NBPF3: variants seen among roughly 807,000 people sequenced by gnomAD.
NBPF3 encodes NBPF member 3, also known as NBPF family member NBPF3.
NBPF3 carries 57 observed loss-of-function variants against 78.1 expected under a neutral mutation model. That is an observed-to-expected ratio of 0.73 (90% CI 0.59 to 0.91). The LOEUF is 0.91. NBPF3 is among the 40% of genes least tolerant of loss of function. The pLI is 0.00. For synonymous variants in NBPF3, 182 were observed against 271.7 expected, an observed-to-expected ratio of 0.67 and a Z score of 3.25; for missense variants, 510 against 715.3, an observed-to-expected ratio of 0.71 and a Z score of 3.27.
chr1:21,445,186 G>A lies in NBPF3; in HGVS notation c.100G>A (p.Val34Met), dbSNP rs1640893552. ...FGAPRAASHG[V>M]GRHQELRDPT... ...TGCACCAAGAGCAGCCTCACATGGT[G>A]TGGGCCGACATCAAGAGCTGCGAGA... The change falls in exon 2 of 15, where the codon GTG (valine) becomes ATG (methionine). Residue 34 changes from valine (V) to methionine (M), a missense_variant. By Grantham distance (21) the Val-to-Met change is conservative. Transcript: ENST00000318249. 1.2e-6 allele frequency: 2 copies of A among 1,611,826 alleles called. No homozygotes were observed. Among genetic ancestry groups the A allele is most frequent in the Non-Finnish European group, 1.7e-6 (2 of 1,179,844 alleles).
rs188712585 is a variant in NBPF3 at position 21,469,219 on chromosome 1, C to T, written c.343+322C>T. ...AATCCTCTCTGTACCATATAAGATC[C>T]GGCAGACAAATAACATCTAGTCTGT... On this transcript the variant is annotated intron_variant, in intron 3 of 14. Transcript: ENST00000318249. Among the ~76,000 whole-genome samples, 201 of 152,228 alleles carry T rather than the reference C, an allele frequency of 1.3e-3. 1 individual carries two copies. The highest frequency in any genetic ancestry group is 4.5e-3 in the African/African-American group (186 of 41,514).
In NBPF3 at chr1:21,445,118, A is replaced by G. The variant is rs1279954545; in HGVS notation, c.32A>G (p.Gln11Arg). The stretch of plus-strand genomic sequence containing the variant: ...CTGACTCCCACTGTCCAGGGCTTCC[A>G]GTGGACTCTCCGAGGCCCTGATGTA... Reference protein sequence around the residue: MPLTPTVQGFQWTLRGPDVET... With the variant: MPLTPTVQGFRWTLRGPDVET... Residue 11 changes from glutamine to arginine, a missense_variant, in exon 2 of 15, where the codon CAG (glutamine) becomes CGG (arginine). Around this residue, in one of 5 missense-constraint regions of NBPF3, gnomAD observed 440 missense variants for 478.2 expected, o/e 0.92. Coordinates refer to ENST00000318249, the MANE Select transcript of NBPF3 (RefSeq NM_032264.6). 6.2e-7 allele frequency: 1 copy of G among 1,611,762 alleles called. No individual in the cohort carries two copies. The highest frequency in any genetic ancestry group is 1.3e-5 in the African/African-American group (1 of 74,830).
intron 2 of NBPF3, among the ~76,000 whole-genome samples, chr1:21,455,709 A>G (rs529576173): frequency 3.0e-4 from 46 of 152,330 alleles, no homozygotes; most frequent in African/African-American, 6.7e-4. Context: ...CAGGGCACCA[A>G]TGAGGAGACA....
Position 21,444,986 on chromosome 1 carries a change from G to T in NBPF3, c.-101G>T. On this transcript the variant is annotated 5_prime_UTR_variant, in exon 2 of 15. Coordinates refer to ENST00000318249, the MANE Select transcript of NBPF3 (RefSeq NM_032264.6). ...AAATCCTGTTTAGACCCAGGCGAAG[G>T]TTCCTGGTGACCCAGGCTCTCACCA... 2.9e-6 allele frequency: 4 copies of T among 1,359,712 alleles called. No homozygotes were observed. Among genetic ancestry groups the T allele is most frequent in the Non-Finnish European group, 4.0e-6 (4 of 1,001,140 alleles). The allele number at this position is 1,359,712 out of a possible 1,614,324, so 84.2% of individuals were successfully genotyped here.
intron 2 of NBPF3, among the ~76,000 whole-genome samples, chr1:21,464,493 T>C (rs1642142877): frequency 1.3e-5 from 2 of 152,210 alleles, no homozygotes; most frequent in African/African-American, 4.8e-5. Flanking sequence ...GGTACAGGCA[T>C]GCTTTTTGGC....
intron 2 of NBPF3, among the ~76,000 whole-genome samples, chr1:21,459,562 G>A (rs1290455530): frequency 1.3e-5 from 2 of 152,182 alleles, no homozygotes; most frequent in Admixed American, 6.5e-5. Context: ...CAATAGGGGT[G>A]TGGGGTAATG....
rs975042268 is a variant in NBPF3, at chr1:21,472,877, TGAG to T, written c.701_703del (p.Glu234del). 6.2e-6 allele frequency: 10 copies of T among 1,612,966 alleles called. No individual in the cohort carries two copies. The Admixed American group carries it at 1.3e-4, about 22-fold the overall frequency. ...ACGATGAGGATGAAGATGTTAAAGT[TGAG>T]GAGGCTGAGAAAGTACAGGAATTAT... On this transcript the variant is annotated inframe_deletion, in exon 6 of 15. Coordinates refer to ENST00000318249, the MANE Select transcript of NBPF3 (RefSeq NM_032264.6).
intron 3 of NBPF3, among the ~76,000 whole-genome samples, chr1:21,469,410 A>G (rs1642463320): frequency 6.6e-6 from 1 of 152,150 alleles, no homozygotes; most frequent in Non-Finnish European, 1.5e-5. Context: ...AACCTGTGGT[A>G]TCTGTAAGTG....
intron 6 of NBPF3, 36 bp from the exon 7 acceptor site, chr1:21,473,344 A>C (rs1391801942): frequency 6.2e-7 from 1 of 1,602,502 alleles, no homozygotes; most frequent in Non-Finnish European, 8.5e-7. Context: ...CTCTGTGTTT[A>C]GTCTTCTGTC....
intron 2 of NBPF3, among the ~76,000 whole-genome samples, chr1:21,467,831 CCAAAT>C (rs773041872): frequency 6.6e-6 from 1 of 152,074 alleles, no homozygotes; most frequent in Non-Finnish European, 1.5e-5. Context: ...ACATCAAAAA[CCAAAT>C]CAACCCACAT....
At chr1:21,438,974 G>T (rs1640492243), upstream of NBPF3, among the ~76,000 whole-genome samples, 1 of 152,226 alleles carries the variant, frequency 6.6e-6, no homozygotes, top group African/African-American at 2.4e-5. Flanking sequence ...TGCCTGAAAA[G>T]CACAAAAGCA....
chr1:21,438,279 A>C (rs946915496), upstream of NBPF3, among the ~76,000 whole-genome samples: 1 of 150,212 alleles, frequency 6.7e-6, no homozygotes, highest in African/African-American at 2.5e-5. Context: ...TGTCTGGCTA[A>C]TTTTTGTATT....
intron 2 of NBPF3, among the ~76,000 whole-genome samples, chr1:21,464,701 AAAAAAG>A (rs1183040835): frequency 3.3e-5 from 5 of 151,950 alleles, no homozygotes; most frequent in African/African-American, 1.2e-4. Flanking sequence ...CATTAAAAAA[AAAAAAG>A]AAAGTAAAAG....
chr1:21,475,888 G>A (rs1642864113), intron 8 of NBPF3, among the ~76,000 whole-genome samples: 1 of 151,998 alleles, frequency 6.6e-6, no homozygotes, highest in Non-Finnish European at 1.5e-5. Flanking sequence ...AGTCCCCCAT[G>A]ATTATTGTGT....
chr1:21,448,670 A>G (rs1641130163), intron 2 of NBPF3, among the ~76,000 whole-genome samples: 1 of 152,190 alleles, frequency 6.6e-6, no homozygotes, highest in Admixed American at 6.5e-5. Flanking sequence ...CTGGTTTTCA[A>G]GGAGTTTTTA....
rs759528888 is a variant in NBPF3 at position 21,472,827 on chromosome 1, A to C, written c.662-16A>C. The stretch of plus-strand genomic sequence containing the variant: ...TGAATTGGGAAATATCTGAATGAAC[A>C]CTTCTGTATTTACAGAAAATGATGA... On this transcript the variant is annotated splice_polypyrimidine_tract_variant and intron_variant, in intron 5 of 14. Coordinates refer to ENST00000318249, the MANE Select transcript of NBPF3 (RefSeq NM_032264.6). The C allele has an allele frequency of 1.2e-5, 19 of 1,581,206 alleles. No homozygotes were observed. Among genetic ancestry groups the C allele is most frequent in the Non-Finnish European group, 1.5e-5 (17 of 1,150,198 alleles).
At chr1:21,438,576 C>T (rs75241182), upstream of NBPF3, among the ~76,000 whole-genome samples, 4,648 of 152,270 alleles carry the variant, frequency 0.031, 95 homozygotes, top group Middle Eastern at 0.054. Flanking sequence ...ATGCTAAGTG[C>T]TCACTGAATG....
At chr1:21,438,392 G>A (rs981543878), upstream of NBPF3, among the ~76,000 whole-genome samples, 16 of 152,210 alleles carry the variant, frequency 1.1e-4, no homozygotes, top group Admixed American at 1.0e-3. Context: ...GGGATTACAG[G>A]TTGAGCCACT....
At chr1:21,440,626 C>T (rs1459731015) in intron 1 of NBPF3, among the ~76,000 whole-genome samples, 2 of 152,150 alleles carry the variant, frequency 1.3e-5, no homozygotes, top group East Asian at 1.9e-4. Context: ...GGAGCAGCTT[C>T]GGGGGCACGT....
Sources: gnomAD v4.1 joint callset for allele counts (sites outside exome capture counted in the v4.1 genomes callset) on GRCh38, gnomAD v4.1.1 for gene constraint, gnomAD v4.1.1 regional missense constraint, MANE v1.5 for transcripts, NCBI Gene and HGNC (gene_info 2026-07-23, HGNC 2026-07-21) for gene names.